The following KITLG variants were observed in gnomAD, a reference collection of about 807,000 sequenced individuals.
KITLG encodes c-Kit ligand.
In KITLG, 13 loss-of-function variants were observed where a neutral mutation model predicts 34.1. That is an observed-to-expected ratio of 0.38 (90% confidence interval 0.25 to 0.61). The LOEUF (loss-of-function observed/expected upper bound fraction) is 0.61, where lower values mean the gene tolerates loss of function less well. Ranked by LOEUF, KITLG falls within the 20% of genes least tolerant of loss-of-function variation. The pLI, the probability that KITLG is intolerant of heterozygous loss-of-function variation, is 0.60. For synonymous variants in KITLG, 110 were observed against 104.0 expected (o/e 1.06, Z -0.35); for missense variants, 292 against 318.9 (o/e 0.92, Z 0.64).
chr12:88,508,263 T>C (rs1869146155), intron 6 of KITLG, among the ~76,000 whole-genome samples: 1 of 152,062 alleles, frequency 6.6e-6, no homozygotes, highest in African/African-American at 2.4e-5. Flanking sequence ...TCTTCCAACA[T>C]GAAACTTATT....
chr12:88,531,254 T>A (rs1321711947), intron 3 of KITLG, among the ~76,000 whole-genome samples: 2 of 152,298 alleles, frequency 1.3e-5, no homozygotes, highest in African/African-American at 4.8e-5. Context: ...CACTAGTGAA[T>A]GCTGTCCACA....
At chr12:88,504,960 G>A (rs1372637232) in intron 9 of KITLG, among the ~76,000 whole-genome samples, 199 bp downstream of exon 9, 4 of 136,582 alleles carry the variant, frequency 2.9e-5, no homozygotes, top group Non-Finnish European at 6.2e-5. Context: ...CCACACAATG[G>A]AGCCTGTCAT....
At chr12:88,504,321 C>G (rs1408994173) in intron 9 of KITLG, among the ~76,000 whole-genome samples, 1 of 151,952 alleles carries the variant, frequency 6.6e-6, no homozygotes, top group Non-Finnish European at 1.5e-5. Context: ...ATAGTTCTTG[C>G]TAAATATTTC....
At chr12:88,508,561 G>A (rs1869155789) in intron 6 of KITLG, among the ~76,000 whole-genome samples, 1 of 151,182 alleles carries the variant, frequency 6.6e-6, no homozygotes, top group Non-Finnish European at 1.5e-5. Flanking sequence ...GCTCACGTGT[G>A]TGTGTGTGTG....
chr12:88,546,768 A>G lies in KITLG; in HGVS notation c.16-903T>C, dbSNP rs143687262. Among the ~76,000 whole-genome samples, 123 of 152,322 alleles carry G rather than the reference A, an allele frequency of 8.1e-4. 3 individuals are homozygous for G. The East Asian group carries it at 0.017, about 22-fold the overall frequency. ...TTCAATAACCATTTATTGAATATAT[A>G]TTATGCAACAGGAACAACGCCAGTC... On this transcript the variant is annotated intron_variant, in intron 1 of 9. Coordinates refer to ENST00000644744, the MANE Select transcript of KITLG (RefSeq NM_000899.5).
chr12:88,534,760 T>C, intron 2 of KITLG: 2 of 474,416 alleles, frequency 4.2e-6, no homozygotes, highest in Admixed American at 2.4e-5. Context: ...TCTTTACACT[T>C]AACTTTCTTC....
chr12:88,548,517 C>T (rs531013830), intron 1 of KITLG, among the ~76,000 whole-genome samples: 4 of 151,842 alleles, frequency 2.6e-5, no homozygotes, highest in Admixed American at 1.3e-4. Flanking sequence ...GACTCCCAGG[C>T]CATCTCTAAT....
intron 9 of KITLG, among the ~76,000 whole-genome samples, chr12:88,500,161 C>T (rs149951119): frequency 2.6e-5 from 4 of 152,326 alleles, no homozygotes; most frequent in African/African-American, 4.8e-5. Flanking sequence ...ACAGTTTCTA[C>T]TTTGGGACTA....
At chr12:88,560,010 G>A (rs1592584458) in intron 1 of KITLG, among the ~76,000 whole-genome samples, 2 of 152,210 alleles carry the variant, frequency 1.3e-5, no homozygotes, top group Admixed American at 6.5e-5. Flanking sequence ...AACAGAGAAC[G>A]TTATCAAAGT....
At chr12:88,518,464 T>C (rs1869535875) in intron 4 of KITLG, among the ~76,000 whole-genome samples, 1 of 152,188 alleles carries the variant, frequency 6.6e-6, no homozygotes, top group African/African-American at 2.4e-5. Flanking sequence ...GTAATGTAAA[T>C]AAGTTTTATT....
intron 3 of KITLG, among the ~76,000 whole-genome samples, chr12:88,527,711 TG>T (rs1869930273): frequency 6.6e-6 from 1 of 152,316 alleles, no homozygotes; most frequent in African/African-American, 2.4e-5. Flanking sequence ...CTTAACCAGA[TG>T]ATCAAAACAA....
At chr12:88,530,122 G>T (rs1870029637) in intron 3 of KITLG, among the ~76,000 whole-genome samples, 1 of 152,144 alleles carries the variant, frequency 6.6e-6, no homozygotes, top group Non-Finnish European at 1.5e-5. Context: ...AGAGCAGCAG[G>T]TTATCTTTGG....
At chr12:88,578,320 T>C (rs557166144) in intron 1 of KITLG, among the ~76,000 whole-genome samples, 47 of 152,306 alleles carry the variant, frequency 3.1e-4, no homozygotes, top group Non-Finnish European at 5.9e-4. Flanking sequence ...ACAAGGGTAC[T>C]GCCCTCCTTT....
At chr12:88,521,589 A>G (rs1869668263) in intron 3 of KITLG, among the ~76,000 whole-genome samples, 1 of 152,206 alleles carries the variant, frequency 6.6e-6, no homozygotes, top group Non-Finnish European at 1.5e-5. Context: ...AAAGTAAGAT[A>G]TAATGTTCTC....
intron 1 of KITLG, among the ~76,000 whole-genome samples, chr12:88,568,809 A>T (rs373396796): frequency 1.8e-4 from 27 of 152,008 alleles, no homozygotes; most frequent in Admixed American, 6.6e-4. Context: ...CCAGGTTTTT[A>T]AAAAAAAGAA....
chr12:88,519,769 G>A (rs528451314), intron 3 of KITLG, among the ~76,000 whole-genome samples: 153 of 152,104 alleles, frequency 1.0e-3, no homozygotes, highest in African/African-American at 3.6e-3. Flanking sequence ...ACTACAAGGC[G>A]CATGCTACCA....
chr12:88,537,742 G>A (rs949791886), intron 2 of KITLG, among the ~76,000 whole-genome samples: 7 of 151,964 alleles, frequency 4.6e-5, no homozygotes, highest in Admixed American at 1.3e-4. Context: ...ATTCAACCCC[G>A]TAGTATATTG....
chr12:88,519,518 G>C (rs1274171834), intron 3 of KITLG, among the ~76,000 whole-genome samples: 1 of 152,058 alleles, frequency 6.6e-6, no homozygotes, highest in Non-Finnish European at 1.5e-5. Flanking sequence ...CAGAGTAACT[G>C]ATGTCATGGA....
At chr12:88,512,077 C>T (rs1869298490) in intron 6 of KITLG, among the ~76,000 whole-genome samples, 1 of 152,072 alleles carries the variant, frequency 6.6e-6, no homozygotes, top group Non-Finnish European at 1.5e-5. Context: ...GACATCAACT[C>T]TGAGATGACC....
Sources: allele counts gnomAD v4.1 joint callset (sites outside exome capture counted in the v4.1 genomes callset), GRCh38; gene constraint gnomAD v4.1.1; transcripts MANE v1.5; gene names NCBI Gene and HGNC (gene_info 2026-07-23, HGNC 2026-07-21).